The following TMEM266 variants were observed in gnomAD, a reference collection of about 807,000 sequenced individuals.
TMEM266 encodes the protein Hv1 related protein 1.
Under a neutral mutation model 50.5 loss-of-function variants are expected in TMEM266, and 33 were observed. The observed-to-expected ratio is 0.65, with a 90% CI of 0.50 to 0.87. The LOEUF (loss-of-function observed/expected upper bound fraction) is 0.87, where lower values mean the gene tolerates loss of function less well. Ranked by LOEUF, TMEM266 falls within the 40% of genes least tolerant of loss-of-function variation. The pLI is 0.00. For missense variants in TMEM266, 655 were observed against 695.1 expected, an observed-to-expected ratio of 0.94 and a Z score of 0.65; for synonymous variants, 310 against 292.3, an observed-to-expected ratio of 1.06 and a Z score of -0.62.
intron 1 of TMEM266, among the ~76,000 whole-genome samples, chr15:76,073,987 T>A (rs2036572298): frequency 6.6e-6 from 1 of 151,212 alleles, no homozygotes; most frequent in Non-Finnish European, 1.5e-5. Context: ...TATTTTCAGA[T>A]TTTGTTTGTA....
rs1170006208 is a variant in TMEM266 at position 76,203,794 on chromosome 15, A to G, written c.1075A>G (p.Ile359Val). 9 of 1,614,138 alleles carry G rather than the reference A, an allele frequency of 5.6e-6. No homozygotes were observed. The highest frequency in any genetic ancestry group is 6.8e-6 in the Non-Finnish European group (8 of 1,180,004). Residue 359 changes from isoleucine (I) to valine (V), a missense_variant, in exon 11 of 11, where the codon ATT (isoleucine) becomes GTT (valine). Coordinates refer to ENST00000388942, the MANE Select transcript of TMEM266 (RefSeq NM_152335.3). ...TATGGTCACCACGGCCGCAATAGAC[A>G]TTCACCAGCCCAACATCTCCTCGGA...
At chr15:76,169,914 C>T in intron 6 of TMEM266, 42 bp downstream of exon 6, 2 of 1,593,084 alleles carry the variant, frequency 1.3e-6, no homozygotes, top group Non-Finnish European at 1.7e-6. Flanking sequence ...ACTCTGCCAT[C>T]CTGGAAGCTG....
At chr15:76,060,367 G>GA (rs981423886) in intron 1 of TMEM266, among the ~76,000 whole-genome samples, 8 of 151,022 alleles carry the variant, frequency 5.3e-5, no homozygotes, top group African/African-American at 1.9e-4. Flanking sequence ...TGGAGGGGGG[G>GA]GTTGCTGCTG....
At chr15:76,176,849 A>T (rs1378582977) in intron 8 of TMEM266, among the ~76,000 whole-genome samples, 2 of 152,300 alleles carry the variant, frequency 1.3e-5, no homozygotes, top group East Asian at 1.9e-4. Context: ...TTGAGGTCTC[A>T]TGTGGCGTAC....
At chr15:76,174,285 T>C (rs1414530496) in intron 7 of TMEM266, among the ~76,000 whole-genome samples, 1 of 152,106 alleles carries the variant, frequency 6.6e-6, no homozygotes, top group Non-Finnish European at 1.5e-5. Context: ...GCATGGTAGC[T>C]CATGCCTGTA....
intron 5 of TMEM266, among the ~76,000 whole-genome samples, chr15:76,166,943 A>G (rs1423296529): frequency 6.6e-6 from 1 of 152,172 alleles, no homozygotes; most frequent in African/African-American, 2.4e-5. Context: ...GTTTTGTGTT[A>G]TGTGTATTTT....
At chr15:76,090,362 C>A (rs1428231857) in intron 1 of TMEM266, among the ~76,000 whole-genome samples, 37 of 151,742 alleles carry the variant, frequency 2.4e-4, no homozygotes, top group Admixed American at 6.6e-5. Context: ...CATGGTGGTG[C>A]ACACCTGCAA....
At chr15:76,158,021 A>AATAG (rs1389713885) in intron 4 of TMEM266, among the ~76,000 whole-genome samples, 9 of 152,002 alleles carry the variant, frequency 5.9e-5, no homozygotes, top group Non-Finnish European at 1.3e-4. Flanking sequence ...TAAATAAATA[A>AATAG]ATAAATAGAG....
At chr15:76,167,223 C>A (rs1358413212) in intron 5 of TMEM266, among the ~76,000 whole-genome samples, 1 of 152,138 alleles carries the variant, frequency 6.6e-6, no homozygotes, top group Non-Finnish European at 1.5e-5. Flanking sequence ...GTAATCCCAG[C>A]ACTTTGGGAG....
chr15:76,137,834 G>C lies in TMEM266; in HGVS notation c.166G>C (p.Asp56His), dbSNP rs778812089. ...TCGGGACTTGCCCCTGGCTGCTGTC[G>C]ATCTCTCCACGGCGGGCTCGCAGCT... Residue 56 changes from aspartate (D) to histidine (H), a missense_variant, in exon 3 of 11, where the codon GAT (aspartate) becomes CAT (histidine). Coordinates refer to ENST00000388942, the MANE Select transcript of TMEM266 (RefSeq NM_152335.3). 2.9e-5 allele frequency: 47 copies of C among 1,613,056 alleles called. 1 individual carries two copies. The highest frequency in any genetic ancestry group is 3.6e-5 in the Non-Finnish European group (42 of 1,179,494).
At chr15:76,190,860 C>G (rs904298194) in intron 8 of TMEM266, among the ~76,000 whole-genome samples, 2 of 152,130 alleles carry the variant, frequency 1.3e-5, no homozygotes, top group Non-Finnish European at 2.9e-5. Context: ...GCAGGGCGCC[C>G]GGGCGTGGTA....
chr15:76,189,621 T>C (rs938649180), intron 8 of TMEM266, among the ~76,000 whole-genome samples: 10 of 151,918 alleles, frequency 6.6e-5, no homozygotes, highest in Admixed American at 2.6e-4. Flanking sequence ...AAGCTGACAC[T>C]GGGTGGGGGT....
rs191223107 is a variant in TMEM266, at chr15:76,098,684, G to A, written c.-96-35484G>A. ...GTCTACTGAAGCTGCACCCACAGCC[G>A]CCCCTTTCCCCAGGTGCTCTGTCCC... On this transcript the variant is annotated intron_variant, in intron 1 of 10. Transcript: ENST00000388942. Among the ~76,000 whole-genome samples the A allele has an allele frequency of 8.0e-3, 1,211 of 152,156 alleles. 21 individuals are homozygous for A. Among genetic ancestry groups the A allele is most frequent in the Middle Eastern group, 0.031 (9 of 294 alleles).
chr15:76,084,029 G>A (rs1000864953), intron 1 of TMEM266, among the ~76,000 whole-genome samples: 61 of 152,258 alleles, frequency 4.0e-4, no homozygotes, highest in Middle Eastern at 3.4e-3. Flanking sequence ...ATGAGCAGCC[G>A]GGCGTGTGGT....
chr15:76,154,975 G>C lies in TMEM266; in HGVS notation c.228-1629G>C, dbSNP rs75526658. Among the ~76,000 whole-genome samples, 57 of 152,310 alleles carry C rather than the reference G, an allele frequency of 3.7e-4. No homozygotes were observed. The East Asian group carries it at 9.3e-3, about 25-fold the overall frequency. On this transcript the variant is annotated intron_variant, in intron 3 of 10. Transcript: ENST00000388942. ...CAGCCCCCTTCCCAACCCCATGTTC[G>C]GACCATCAGATATTTTATCATCATC...
chr15:76,124,824 T>C (rs1292132007), intron 1 of TMEM266, among the ~76,000 whole-genome samples: 2 of 151,856 alleles, frequency 1.3e-5, no homozygotes, highest in African/African-American at 4.8e-5. Flanking sequence ...CAATGGCACT[T>C]TTCACAGAAA....
At chr15:76,062,243 A>ATATCC (rs2036318713) in intron 1 of TMEM266, among the ~76,000 whole-genome samples, 1 of 152,248 alleles carries the variant, frequency 6.6e-6, no homozygotes, top group Non-Finnish European at 1.5e-5. Context: ...CATGCAAATA[A>ATATCC]CAGCTTTTAA....
intron 6 of TMEM266, 135 bp downstream of exon 6, chr15:76,170,007 C>A: frequency 6.8e-4 from 499 of 736,698 alleles, no homozygotes; most frequent in Middle Eastern, 1.8e-3. Context: ...TGTGGCTGTG[C>A]ATGTTGGGTG....
At chr15:76,200,191 C>T (rs535816926) in intron 9 of TMEM266, among the ~76,000 whole-genome samples, 1 of 152,154 alleles carries the variant, frequency 6.6e-6, no homozygotes. Context: ...CAGAGCTGCT[C>T]CACTTCCTTA....
Sources: allele counts gnomAD v4.1 joint callset (sites outside exome capture counted in the v4.1 genomes callset), GRCh38; gene constraint gnomAD v4.1.1; transcripts MANE v1.5; gene names NCBI Gene and HGNC (gene_info 2026-07-23, HGNC 2026-07-21).